KAZN: variants seen among roughly 807,000 people sequenced by gnomAD.
The protein encoded by KAZN is kazrin.
In KAZN, 40 loss-of-function variants were observed where a neutral mutation model predicts 87.4. The ratio of observed to expected loss-of-function variants is 0.46; its 90% CI spans 0.36 to 0.60. The LOEUF is 0.60. KAZN is among the 20% of genes least tolerant of loss of function. The pLI is 0.00. For synonymous variants in KAZN, 466 were observed against 458.3 expected (o/e 1.02, Z -0.22); for missense variants, 898 against 1,073.9 (o/e 0.84, Z 2.29).
chr1:14,874,555 G>A (rs1351538537), intron 1 of KAZN, among the ~76,000 whole-genome samples: 2 of 152,250 alleles, frequency 1.3e-5, no homozygotes, highest in East Asian at 3.9e-4. Flanking sequence ...AACTACTGCA[G>A]CTAACTTAAC....
chr1:13,941,801 GAGAACACCAA>G (rs1640938170), intron 1 of KAZN, among the ~76,000 whole-genome samples: 2 of 152,140 alleles, frequency 1.3e-5, no homozygotes, highest in South Asian at 4.1e-4. Context: ...TCATGTGTGT[GAGAACACCAA>G]AGAGCTACCA....
At chr1:14,654,287 CAAAAAAAA>C (rs140822403) in intron 1 of KAZN, among the ~76,000 whole-genome samples, 3 of 80,348 alleles carry the variant, frequency 3.7e-5, no homozygotes, top group African/African-American at 1.3e-4. Flanking sequence ...GGCTTCGTCT[CAAAAAAAA>C]AAAAAAAAAA....
In KAZN at chr1:14,325,958, A is replaced by G. The variant is rs1165242059; in HGVS notation, c.249+145366A>G. ...GGCGGGATCCCTGGGATTCCAATCCAGAGGACTCTTGGCAATCTACACCCA... is the reference window on the plus strand; with the variant it reads ...GGCGGGATCCCTGGGATTCCAATCCGGAGGACTCTTGGCAATCTACACCCA... On this transcript the variant is annotated intron_variant, in intron 2 of 16. Transcript: ENST00000636203. Among the ~76,000 whole-genome samples, 5 of 152,014 alleles carry G rather than the reference A, an allele frequency of 3.3e-5. No homozygotes were observed. In the East Asian group the frequency reaches 7.8e-4, roughly 24 times the overall value.
intron 2 of KAZN, among the ~76,000 whole-genome samples, chr1:14,430,226 A>C (rs1665972829): frequency 6.6e-6 from 1 of 152,034 alleles, no homozygotes; most frequent in Admixed American, 6.5e-5. Flanking sequence ...AAAAAAAAAA[A>C]AAAAACTCTT....
At chr1:14,677,871 G>A (rs1490062861) in intron 1 of KAZN, among the ~76,000 whole-genome samples, 2 of 152,168 alleles carry the variant, frequency 1.3e-5, no homozygotes, top group Admixed American at 1.3e-4. Context: ...CCTCAGGGGA[G>A]GTCCCAGAAC....
intron 1 of KAZN, among the ~76,000 whole-genome samples, chr1:13,987,405 A>G (rs1639072613): frequency 6.6e-6 from 1 of 152,084 alleles, no homozygotes; most frequent in African/African-American, 2.4e-5. Flanking sequence ...CCTACTTATG[A>G]GTGACAACAT....
intron 2 of KAZN, among the ~76,000 whole-genome samples, chr1:14,408,942 G>A (rs1664085150): frequency 6.6e-6 from 1 of 152,154 alleles, no homozygotes; most frequent in Non-Finnish European, 1.5e-5. Flanking sequence ...ATGGGGTCAG[G>A]AAGGATCTTG....
chr1:14,078,343 G>T (rs190300923), intron 1 of KAZN, among the ~76,000 whole-genome samples: 184 of 152,320 alleles, frequency 1.2e-3, no homozygotes, highest in Non-Finnish European at 2.0e-3. Context: ...GTGATTGGCA[G>T]CAACAGGCAT....
intron 2 of KAZN, among the ~76,000 whole-genome samples, chr1:14,359,810 T>TA: frequency 6.6e-6 from 1 of 152,344 alleles, no homozygotes; most frequent in African/African-American, 2.4e-5. Flanking sequence ...GATCCACTGT[T>TA]AGTCTGATGG....
chr1:13,919,510 A>T (rs1412810613), intron 1 of KAZN, among the ~76,000 whole-genome samples: 1 of 152,212 alleles, frequency 6.6e-6, no homozygotes, highest in Non-Finnish European at 1.5e-5. Flanking sequence ...ATGACAATGC[A>T]TTCTTTTCCA....
At chr1:14,863,196 C>T (rs532517636) in intron 1 of KAZN, among the ~76,000 whole-genome samples, 1 of 152,346 alleles carries the variant, frequency 6.6e-6, no homozygotes, top group South Asian at 2.1e-4. Flanking sequence ...GCTGTTCTCG[C>T]GTTTGCCATC....
chr1:14,280,370 C>CAA (rs1162522967), intron 2 of KAZN, among the ~76,000 whole-genome samples: 7 of 36,848 alleles, frequency 1.9e-4, no homozygotes, highest in African/African-American at 7.7e-4. Flanking sequence ...GACTCCATCT[C>CAA]AAAAAAAAAA....
Position 15,050,159 on chromosome 1 carries a change from G to GATAGATAGAATAGAATAGAATAGAATA in KAZN, c.727-5932_727-5931insATAGATAGAATAGAATAGAATAGAATA, listed in dbSNP as rs201481507. On this transcript the variant is annotated intron_variant, in intron 4 of 14. Coordinates refer to ENST00000376030, the MANE Select transcript of KAZN (RefSeq NM_201628.3). ...TCTCAATAGAATAATAGAATAGAAT[G>GATAGATAGAATAGAATAGAATAGAATA]GAATAGAATAGAATAGAATAGAATA... 1.0e-3 allele frequency among the ~76,000 whole-genome samples: 134 copies of GATAGATAGAATAGAATAGAATAGAATA among 131,330 alleles called. 1 individual carries two copies. The highest frequency in any genetic ancestry group is 1.2e-3 in the African/African-American group (41 of 34,920). The allele number at this position is 131,330 out of a possible 152,430, so 86.2% of individuals were successfully genotyped here.
intron 2 of KAZN, among the ~76,000 whole-genome samples, chr1:14,418,176 G>T (rs577625449): frequency 6.6e-6 from 1 of 152,016 alleles, no homozygotes; most frequent in East Asian, 1.9e-4. Flanking sequence ...AAGAACCTTA[G>T]ATCTTACTAA....
intron 1 of KAZN, chr1:14,929,861 G>A (rs542337560): frequency 1.1e-4 from 113 of 985,090 alleles, no homozygotes; most frequent in Non-Finnish European, 1.2e-4. Context: ...CCCTTGTGGC[G>A]GCTTCTATGA....
At chr1:14,860,374 T>C (rs145188783) in intron 1 of KAZN, among the ~76,000 whole-genome samples, 2,219 of 152,160 alleles carry the variant, frequency 0.015, 70 homozygotes, top group African/African-American at 0.05. Flanking sequence ...GTATTTTTAG[T>C]AGAGATGGGG....
At chr1:14,651,074 A>T (rs907303948) in intron 1 of KAZN, among the ~76,000 whole-genome samples, 1 of 152,246 alleles carries the variant, frequency 6.6e-6, no homozygotes, top group Non-Finnish European at 1.5e-5. Flanking sequence ...TCAACCCAAG[A>T]GCATCATTAA....
intron 1 of KAZN, among the ~76,000 whole-genome samples, chr1:14,673,906 G>A (rs1487484689): frequency 6.6e-6 from 1 of 152,168 alleles, no homozygotes; most frequent in Non-Finnish European, 1.5e-5. Context: ...TCCTTTGTCA[G>A]ATTCACCACT....
intron 13 of KAZN, among the ~76,000 whole-genome samples, chr1:15,104,442 A>G (rs1263428956): frequency 6.6e-6 from 1 of 152,212 alleles, no homozygotes; most frequent in Non-Finnish European, 1.5e-5. Flanking sequence ...TATTAGATCA[A>G]AAAACACCCA....
Sources: gnomAD v4.1 joint callset for allele counts (sites outside exome capture counted in the v4.1 genomes callset) on GRCh38, gnomAD v4.1.1 for gene constraint, MANE v1.5 for transcripts, NCBI Gene and HGNC (gene_info 2026-07-23, HGNC 2026-07-21) for gene names.